The following ACO1 variants were observed in gnomAD, a reference collection of about 807,000 sequenced individuals.
ACO1 encodes aconitase 1, also known as cytoplasmic aconitate hydratase.
In ACO1, 78 loss-of-function variants were observed where a neutral mutation model predicts 105.1. That is an observed-to-expected ratio of 0.74 (90% CI 0.62 to 0.90). The LOEUF is 0.90. ACO1 is among the 40% of genes least tolerant of loss of function. ACO1 has a pLI of 0.00. For synonymous variants in ACO1, 364 were observed against 397.4 expected (o/e 0.92, Z 1.00); for missense variants, 965 against 1,111.1 (o/e 0.87, Z 1.87).
chr9:32,448,567 C>T (rs749293743), intron 19 of ACO1, among the ~76,000 whole-genome samples: 19 of 152,198 alleles, frequency 1.2e-4, no homozygotes, highest in Non-Finnish European at 2.2e-4. Flanking sequence ...TGCACTGTTC[C>T]TCCTGGTACA....
At chr9:32,432,247 TAAAG>T (rs1563943736) in intron 15 of ACO1, among the ~76,000 whole-genome samples, 2 of 152,124 alleles carry the variant, frequency 1.3e-5, no homozygotes, top group Admixed American at 1.3e-4. Flanking sequence ...CACTTAAAAA[TAAAG>T]AAATTAAGGC....
At chr9:32,449,960 A>T in intron 20 of ACO1, 38 bp from the exon 21 acceptor site, 1 of 1,555,586 alleles carries the variant, frequency 6.4e-7, no homozygotes, top group Non-Finnish European at 8.9e-7. Flanking sequence ...CTGTCTCGCC[A>T]CCTCCCTCAA....
intron 11 of ACO1, among the ~76,000 whole-genome samples, chr9:32,427,012 A>G (rs1822114521): frequency 6.6e-6 from 1 of 152,208 alleles, no homozygotes; most frequent in African/African-American, 2.4e-5. Flanking sequence ...TTTGTAATAT[A>G]TTCCTAAATG....
chr9:32,430,532 A>G lies in ACO1; in HGVS notation c.1684A>G (p.Ile562Val), dbSNP rs748651303. The G allele has an allele frequency of 2.9e-5, 46 of 1,609,166 alleles. No homozygotes were observed. Among genetic ancestry groups the G allele is most frequent in the Non-Finnish European group, 3.7e-5 (44 of 1,178,104 alleles). ...TCCCCCCTTAGTAATAGCATATGCA[A>G]TTGCTGGAACCATCAGAATCGACTT... ...ASPPLVIAYA[I>V]AGTIRIDFEK... is the part of the protein sequence containing the mutation. Residue 562 changes from isoleucine to valine, a missense_variant, in exon 14 of 21, where the codon ATT becomes GTT. By Grantham distance (29) the Ile-to-Val change is conservative. Coordinates refer to ENST00000309951, the MANE Select transcript of ACO1 (RefSeq NM_002197.3).
Position 32,393,228 on chromosome 9 carries a change from G to A in ACO1, c.-23+8493G>A, listed in dbSNP as rs552685361. The stretch of plus-strand genomic sequence containing the variant: ...CAAATGGGAGAAATATCGCTGAATT[G>A]TTTTTCTCAGCAAGGAACATCCCTG... On this transcript the variant is annotated intron_variant, in intron 1 of 20. Coordinates refer to ENST00000309951, the MANE Select transcript of ACO1 (RefSeq NM_002197.3). Among the ~76,000 whole-genome samples the A allele has an allele frequency of 1.3e-3, 204 of 152,284 alleles. 2 individuals carry two copies. The highest frequency in any genetic ancestry group is 4.8e-3 in the African/African-American group (200 of 41,558).
intron 12 of ACO1, among the ~76,000 whole-genome samples, chr9:32,428,839 G>C (rs975677073): frequency 6.8e-6 from 1 of 145,992 alleles, no homozygotes; most frequent in Non-Finnish European, 1.5e-5. Flanking sequence ...GCGAGACTCC[G>C]TCTCAAAAAA....
chr9:32,386,078 G>A (rs1220549668), intron 1 of ACO1, among the ~76,000 whole-genome samples: 1 of 152,172 alleles, frequency 6.6e-6, no homozygotes, highest in Non-Finnish European at 1.5e-5. Context: ...CATGCCTTTG[G>A]TTGTCTCTGT....
intron 1 of ACO1, among the ~76,000 whole-genome samples, chr9:32,393,302 G>C (rs568743749): frequency 1.1e-4 from 17 of 152,240 alleles, no homozygotes; most frequent in Non-Finnish European, 1.6e-4. Flanking sequence ...GGCTGCTTTG[G>C]GGGTGGCTGT....
At chr9:32,421,360 G>C (rs949406924) in intron 8 of ACO1, among the ~76,000 whole-genome samples, 2 of 152,154 alleles carry the variant, frequency 1.3e-5, no homozygotes, top group African/African-American at 4.8e-5. Flanking sequence ...TACCTAGTAT[G>C]TATTTGCTGT....
At chr9:32,407,663 T>C (rs1821645605) in intron 3 of ACO1, among the ~76,000 whole-genome samples, 1 of 152,222 alleles carries the variant, frequency 6.6e-6, no homozygotes, top group African/African-American at 2.4e-5. Flanking sequence ...CTTTTTCTAA[T>C]AGGAAGGGTC....
intron 7 of ACO1, 42 bp from the exon 8 acceptor site, chr9:32,420,814 G>C: frequency 6.3e-7 from 1 of 1,593,848 alleles, no homozygotes; most frequent in African/African-American, 1.3e-5. Flanking sequence ...TTTGAATGTG[G>C]GCCATCAGAT....
chr9:32,435,405 T>C (rs1822333763), intron 17 of ACO1, among the ~76,000 whole-genome samples: 3 of 152,138 alleles, frequency 2.0e-5, no homozygotes, highest in African/African-American at 7.2e-5. Flanking sequence ...TCTAATGCCT[T>C]CCCAGAAAAA....
intron 1 of ACO1, among the ~76,000 whole-genome samples, chr9:32,387,027 T>G (rs983260856): frequency 3.3e-5 from 5 of 152,186 alleles, no homozygotes; most frequent in African/African-American, 1.2e-4. Flanking sequence ...AGGCATGTGC[T>G]GAAGAAACCA....
chr9:32,407,334 A>C lies in ACO1; in HGVS notation c.171A>C (p.Lys57Asn). 6.2e-7 allele frequency: 1 copy of C among 1,614,158 alleles called. No homozygotes were observed. Among genetic ancestry groups the C allele is most frequent in the Non-Finnish European group, 8.5e-7 (1 of 1,180,010 alleles). ...ATTGTGATGAGTTTTTGGTGAAGAA[A>C]CAGGATATTGAAAATATTCTACATT... ...IRNCDEFLVKKQDIENILHWN... is the reference protein window; with the variant it reads ...IRNCDEFLVKNQDIENILHWN... The change falls in exon 3 of 21, where the codon AAA becomes AAC. Residue 57 changes from lysine to asparagine, a missense_variant. By Grantham distance (94) the Lys-to-Asn change is moderately conservative. Transcript: ENST00000309951.
chr9:32,418,643 G>A (rs1821904496), intron 6 of ACO1, 132 bp downstream of exon 6: 1 of 1,019,504 alleles, frequency 9.8e-7, no homozygotes, highest in Non-Finnish European at 1.4e-6. Flanking sequence ...TGTCACTGCT[G>A]TTTTTCCAGT....
intron 14 of ACO1, 34 bp downstream of exon 14, chr9:32,430,608 C>A: frequency 6.4e-7 from 1 of 1,564,812 alleles, no homozygotes; most frequent in Non-Finnish European, 8.7e-7. Context: ...TAATTTTTTT[C>A]CAGTGAATTC....
At position 32,454,094 on chromosome 9, in the gene ACO1, T is replaced by C. The variant is rs1301723849; in HGVS notation, c.*3983T>C. The C allele has an allele frequency of 6.6e-6, 1 of 152,212 alleles. No homozygotes were observed. Among genetic ancestry groups the C allele is most frequent in the Non-Finnish European group, 1.5e-5 (1 of 68,026 alleles). 9.4% of individuals were successfully genotyped at this position (152,212 alleles called of 1,614,324 possible). A position where few individuals can be genotyped will look rare whatever the true frequency, so the allele number is the denominator to read the frequency against. On this transcript the variant is annotated 3_prime_UTR_variant, in exon 21 of 21. Coordinates refer to ENST00000309951, the MANE Select transcript of ACO1 (RefSeq NM_002197.3). ...CTGTGCTTCTACAGGATGTTAACAG[T>C]GTCCCCTGAGTAAAACAGTTCCACG...
At chr9:32,449,809 A>G (rs10738888) in intron 20 of ACO1, among the ~76,000 whole-genome samples, 189 bp from the exon 21 acceptor site, 68,512 of 151,902 alleles carry the variant, frequency 0.45, 15,557 homozygotes, top group East Asian at 0.52. Context: ...AGCCTCCCAG[A>G]GATCTTGCTG....
At chr9:32,405,658 A>G in intron 2 of ACO1, 55 bp downstream of exon 2, 2 of 1,270,080 alleles carry the variant, frequency 1.6e-6, no homozygotes, top group Non-Finnish European at 2.2e-6. Flanking sequence ...TGATTAGGCT[A>G]TGTAATTAAT....
Sources: gnomAD v4.1 joint callset for allele counts (sites outside exome capture counted in the v4.1 genomes callset) on GRCh38, gnomAD v4.1.1 for gene constraint, MANE v1.5 for transcripts, NCBI Gene and HGNC (gene_info 2026-07-23, HGNC 2026-07-21) for gene names.